KLRG2: variants seen among roughly 807,000 people sequenced by gnomAD.
KLRG2 encodes killer cell lectin like receptor G2.
A neutral mutation model predicts 35.4 loss-of-function variants in KLRG2; 39 were observed. The ratio of observed to expected loss-of-function variants is 1.10; its 90% CI spans 0.85 to 1.44. The LOEUF is 1.44. Among genes scored for constraint, KLRG2 ranks in the 40% most tolerant of loss-of-function variants. KLRG2 has a pLI of 0.00. For synonymous variants in KLRG2, 283 were observed against 265.8 expected (o/e 1.06, Z -0.63); for missense variants, 632 against 570.9 (o/e 1.11, Z -1.09).
downstream of KLRG2, among the ~76,000 whole-genome samples, chr7:139,451,127 C>A (rs573630499): frequency 1.3e-5 from 2 of 152,324 alleles, no homozygotes; most frequent in East Asian, 3.9e-4. Flanking sequence ...TAAAGCAGAA[C>A]TGGCTGGTCA....
the KLRG2 span, among the ~76,000 whole-genome samples, chr7:139,438,373 C>T: frequency 6.6e-6 from 1 of 152,146 alleles, no homozygotes; most frequent in Non-Finnish European, 1.5e-5. Context: ...CAGACATGTG[C>T]CACCATTCCT....
At chr7:139,427,306 CATT>C in the KLRG2 span, among the ~76,000 whole-genome samples, 4 of 152,096 alleles carry the variant, frequency 2.6e-5, no homozygotes, top group South Asian at 2.1e-4. Flanking sequence ...GCAGCAGAAA[CATT>C]AGGGTGTTAG....
chr7:139,442,330 C>T, the KLRG2 span, among the ~76,000 whole-genome samples: 1 of 152,174 alleles, frequency 6.6e-6, no homozygotes, highest in African/African-American at 2.4e-5. Context: ...GAAGGTTATC[C>T]ACTCACATGA....
chr7:139,450,199 C>A (rs531447495), downstream of KLRG2, among the ~76,000 whole-genome samples: 1 of 151,874 alleles, frequency 6.6e-6, no homozygotes, highest in South Asian at 2.1e-4. Context: ...CCCACCACCA[C>A]GCCTGGCTAA....
rs1415462952 is a variant in KLRG2, at chr7:139,454,143, G to C, written c.1077C>G (p.His359Gln). Residue 359 changes from histidine (H) to glutamine (Q), a missense_variant, in exon 4 of 5, where the codon CAC becomes CAG. Physicochemically the swap from His to Gln is conservative, Grantham distance 24. Transcript: ENST00000340940. Reference protein sequence around the residue: ...VGAWRGPQGWHWIDEAPLPPQ... With the variant: ...VGAWRGPQGWQWIDEAPLPPQ... ...GCGGGAGTGGGGCCTCGTCGATCCA[G>C]TGCCAGCCCTGGGGGCCTCGCCAGG... 1 of 1,546,832 alleles carries C rather than the reference G, an allele frequency of 6.5e-7. No individual in the cohort carries two copies. Among genetic ancestry groups the C allele is most frequent in the African/African-American group, 1.4e-5 (1 of 72,868 alleles).
At chr7:139,469,137 A>G (rs745893025) in intron 3 of KLRG2, among the ~76,000 whole-genome samples, 19 of 152,168 alleles carry the variant, frequency 1.2e-4, no homozygotes, top group Non-Finnish European at 2.4e-4. Context: ...TAGCAGCCCC[A>G]GTAAACTAAT....
intron 3 of KLRG2, among the ~76,000 whole-genome samples, chr7:139,454,825 TAATAATAATAATAATAA>T (rs1796434521): frequency 4.8e-5 from 2 of 41,736 alleles, no homozygotes; most frequent in African/African-American, 8.0e-4. Flanking sequence ...CTCAAAATAA[TAATAATAATAATAATAA>T]TAATAATAAT....
downstream of KLRG2, among the ~76,000 whole-genome samples, chr7:139,450,357 G>A (rs1033796805): frequency 2.0e-5 from 3 of 152,068 alleles, no homozygotes; most frequent in Non-Finnish European, 4.4e-5. Context: ...CCGAGTAGCT[G>A]GGACTACAGG....
At position 139,458,387 on chromosome 7, in the gene KLRG2, A is replaced by G. The variant is rs558474594; in HGVS notation, c.1006-4173T>C. 5.8e-4 allele frequency among the ~76,000 whole-genome samples: 89 copies of G among 152,182 alleles called. 1 individual carries two copies. The highest frequency in any genetic ancestry group is 5.8e-3 in the South Asian group (28 of 4,814). ...AGCAAGAGATCCTGTCTCAAAAAAA[A>G]AAAGAAAGAAAGAAAGAAAAAGTTT... is the stretch of plus-strand genomic sequence containing the variant. On this transcript the variant is annotated intron_variant, in intron 3 of 4. Transcript: ENST00000340940.
downstream of KLRG2, among the ~76,000 whole-genome samples, chr7:139,449,877 AT>A (rs1796350001): frequency 7.4e-6 from 1 of 135,266 alleles, no homozygotes; most frequent in Admixed American, 7.4e-5. Context: ...TTTTTTTTGT[AT>A]TTTTAGTAGA....
intron 3 of KLRG2, among the ~76,000 whole-genome samples, chr7:139,474,660 C>T (rs1585174956): frequency 6.6e-6 from 1 of 152,224 alleles, no homozygotes; most frequent in East Asian, 1.9e-4. Flanking sequence ...ACTTGGGAGG[C>T]TGAGGCAGGA....
At chr7:139,443,112 T>TTTTTGG in the KLRG2 span, among the ~76,000 whole-genome samples, 1 of 150,088 alleles carries the variant, frequency 6.7e-6, no homozygotes, top group Admixed American at 6.6e-5. Context: ...TTTTTTTTTT[T>TTTTTGG]GAGATGGAGT....
At chr7:139,458,221 T>A (rs1796509202) in intron 3 of KLRG2, among the ~76,000 whole-genome samples, 1 of 151,644 alleles carries the variant, frequency 6.6e-6, no homozygotes, top group South Asian at 2.1e-4. Flanking sequence ...CTACAAAAAA[T>A]ACAAATATTA....
At position 139,473,823 on chromosome 7, in the gene KLRG2, G is replaced by A. The variant is rs116520675; in HGVS notation, c.1005+5804C>T. Among the ~76,000 whole-genome samples the A allele has an allele frequency of 2.2e-3, 338 of 152,112 alleles. 3 individuals are homozygous for A. The highest frequency in any genetic ancestry group is 7.7e-3 in the African/African-American group (321 of 41,516). On this transcript the variant is annotated intron_variant, in intron 3 of 4. Coordinates refer to ENST00000340940, the MANE Select transcript of KLRG2 (RefSeq NM_198508.4). The stretch of plus-strand genomic sequence containing the variant: ...ACAAGAACAGGACACTGTAAAAAAG[G>A]AACATTTGAAAGGTCAAAACAGTTC...
At chr7:139,478,778 C>T (rs1162516402) in intron 3 of KLRG2, among the ~76,000 whole-genome samples, 1 of 152,186 alleles carries the variant, frequency 6.6e-6, no homozygotes, top group Non-Finnish European at 1.5e-5. Context: ...ATTCAGCAAA[C>T]ATCCACTCCT....
the KLRG2 span, among the ~76,000 whole-genome samples, chr7:139,433,779 G>A: frequency 6.6e-6 from 1 of 151,840 alleles, no homozygotes; most frequent in African/African-American, 2.4e-5. Flanking sequence ...GGGATTACAG[G>A]TGCCTGCAAC....
chr7:139,434,421 T>C, the KLRG2 span, among the ~76,000 whole-genome samples: 1 of 152,146 alleles, frequency 6.6e-6, no homozygotes, highest in African/African-American at 2.4e-5. Flanking sequence ...CCTTCCTTCC[T>C]TGGCTGGGAG....
the KLRG2 span, among the ~76,000 whole-genome samples, chr7:139,443,232 C>A: frequency 6.7e-6 from 1 of 148,324 alleles, no homozygotes; most frequent in East Asian, 2.1e-4. Context: ...GTAGCTGGGA[C>A]TATAGACCAT....
In KLRG2 at chr7:139,456,746, G is replaced by A. The variant is rs190837342; in HGVS notation, c.1006-2532C>T. On this transcript the variant is annotated intron_variant, in intron 3 of 4. Transcript: ENST00000340940. ...AAGCGATGCTCCCACCTCAGCCTCC[G>A]AAGTAGCTGGGACTGCTGGTGCGTG... Among the ~76,000 whole-genome samples the A allele has an allele frequency of 2.0e-3, 306 of 152,234 alleles. 1 individual carries two copies. The highest frequency in any genetic ancestry group is 6.4e-3 in the African/African-American group (266 of 41,528).
Sources: allele counts gnomAD v4.1 joint callset (sites outside exome capture counted in the v4.1 genomes callset), GRCh38; gene constraint gnomAD v4.1.1; transcripts MANE v1.5; gene names NCBI Gene and HGNC (gene_info 2026-07-23, HGNC 2026-07-21).